The following PRKG1 variants were observed in gnomAD, a reference collection of about 807,000 sequenced individuals.
PRKG1 encodes cGMP-dependent protein kinase 1.
In PRKG1, 35 loss-of-function variants were observed where a neutral mutation model predicts 88.1. The ratio of observed to expected loss-of-function variants is 0.40; its 90% CI spans 0.30 to 0.53. The LOEUF (loss-of-function observed/expected upper bound fraction) is 0.53. Ranked by LOEUF, PRKG1 falls within the 20% of genes least tolerant of loss-of-function variation. PRKG1 has a pLI of 0.59. For synonymous variants in PRKG1, 303 were observed against 292.5 expected (o/e 1.04, Z -0.37); for missense variants, 540 against 839.8 (o/e 0.64, Z 4.41).
At chr10:51,643,516 C>CT (rs1190348799) in intron 3 of PRKG1, among the ~76,000 whole-genome samples, 2 of 152,088 alleles carry the variant, frequency 1.3e-5, no homozygotes, top group South Asian at 2.1e-4. Context: ...ACATTGGCAG[C>CT]TTTTTTATAA....
Position 52,297,204 on chromosome 10 carries a change from TC to T in PRKG1, c.*3305del, listed in dbSNP as rs1270133108. 4.6e-5 allele frequency: 7 copies of T among 152,176 alleles called. No individual in the cohort carries two copies. Among genetic ancestry groups the T allele is most frequent in the Non-Finnish European group, 1.5e-5 (1 of 68,034 alleles). The allele number at this position is 152,176 out of a possible 1,614,324, so 9.4% of individuals were successfully genotyped here. ...TTTAGTGTTTCACAGCATTATTATT[TC>T]ATTTTATTTGTATTGAATAATGTTT... On this transcript the variant is annotated 3_prime_UTR_variant, in exon 18 of 18. Coordinates refer to ENST00000373980, the MANE Select transcript of PRKG1 (RefSeq NM_006258.4).
chr10:51,541,348 T>C (rs1842296315), intron 3 of PRKG1, among the ~76,000 whole-genome samples: 1 of 152,190 alleles, frequency 6.6e-6, no homozygotes, highest in Admixed American at 6.5e-5. Flanking sequence ...GTCCAGTTCC[T>C]AACAGGCCAC....
intron 5 of PRKG1, among the ~76,000 whole-genome samples, chr10:52,023,317 G>C (rs561115029): frequency 6.6e-6 from 1 of 152,288 alleles, no homozygotes; most frequent in South Asian, 2.1e-4. Context: ...GTCTATCATA[G>C]ATGGGCATTT....
At chr10:51,439,310 C>T (rs1839029007) in intron 2 of PRKG1, among the ~76,000 whole-genome samples, 1 of 151,750 alleles carries the variant, frequency 6.6e-6, no homozygotes, top group East Asian at 1.9e-4. Context: ...AAACTGTGTA[C>T]TTTGGGTGTG....
chr10:51,319,436 A>T (rs7907496), intron 2 of PRKG1, among the ~76,000 whole-genome samples: 1 of 152,022 alleles, frequency 6.6e-6, no homozygotes. Flanking sequence ...GTTTGTAGTG[A>T]CCTTTGTTTG....
At chr10:51,419,849 G>C (rs1184880780) in intron 2 of PRKG1, among the ~76,000 whole-genome samples, 1 of 150,920 alleles carries the variant, frequency 6.6e-6, no homozygotes, top group Non-Finnish European at 1.5e-5. Context: ...GGAGTCCCTG[G>C]GACAAGATTT....
chr10:51,966,012 G>C (rs908439643), intron 5 of PRKG1, among the ~76,000 whole-genome samples: 1 of 152,046 alleles, frequency 6.6e-6, no homozygotes, highest in Non-Finnish European at 1.5e-5. Context: ...CAATTATATA[G>C]TTATGCACCA....
At chr10:51,298,485 G>T (rs1840781746) in intron 2 of PRKG1, among the ~76,000 whole-genome samples, 1 of 152,148 alleles carries the variant, frequency 6.6e-6, no homozygotes, top group South Asian at 2.1e-4. Context: ...GCCATTAAAT[G>T]AAACAGCTTT....
chr10:51,078,719 C>G (rs527568625), intron 1 of PRKG1, among the ~76,000 whole-genome samples: 104 of 151,956 alleles, frequency 6.8e-4, no homozygotes, highest in African/African-American at 2.3e-3. Context: ...CGGGTTCACA[C>G]CATTCTCTTG....
At chr10:51,683,722 A>G (rs1033219744) in intron 3 of PRKG1, among the ~76,000 whole-genome samples, 4 of 151,994 alleles carry the variant, frequency 2.6e-5, no homozygotes, top group Non-Finnish European at 5.9e-5. Context: ...TTCACTTCTT[A>G]ATTCAGTCCC....
chr10:52,109,394 TTGG>T (rs1350389760), intron 7 of PRKG1, among the ~76,000 whole-genome samples: 1 of 152,238 alleles, frequency 6.6e-6, no homozygotes, highest in African/African-American at 2.4e-5. Flanking sequence ...GCTTATTTTC[TTGG>T]TTAGGAAAAT....
chr10:51,467,883 T>G, intron 3 of PRKG1, 47 bp downstream of exon 3: 3 of 1,450,004 alleles, frequency 2.1e-6, no homozygotes, highest in Non-Finnish European at 2.9e-6. Flanking sequence ...GTCTTTTCCC[T>G]AGGCCTTTGA....
At position 51,982,962 on chromosome 10, in the gene PRKG1, T is replaced by C. The variant is rs1421951631; in HGVS notation, c.763-71522T>C. Among the ~76,000 whole-genome samples the C allele has an allele frequency of 2.0e-5, 3 of 152,098 alleles. No homozygotes were observed. In the East Asian group the frequency reaches 5.8e-4, roughly 30 times the overall value. On this transcript the variant is annotated intron_variant, in intron 5 of 17. Transcript: ENST00000373980. ...GAGTCCCTGCTGGCAACTGTACCCA[T>C]GGTTGTGCTGGTGACGGTGTTAATA...
intron 1 of PRKG1, among the ~76,000 whole-genome samples, chr10:51,040,553 C>A (rs970955492): frequency 6.6e-6 from 1 of 151,662 alleles, no homozygotes; most frequent in African/African-American, 2.4e-5. Context: ...CTCCTGACCT[C>A]GTGATACACC....
At chr10:51,093,718 ATG>A (rs891570006) in intron 1 of PRKG1, among the ~76,000 whole-genome samples, 86 of 134,898 alleles carry the variant, frequency 6.4e-4, no homozygotes, top group East Asian at 3.0e-3. Flanking sequence ...ATATAAATAC[ATG>A]TGTGTGTGTA....
intron 1 of PRKG1, among the ~76,000 whole-genome samples, chr10:51,117,735 A>G (rs1283242300): frequency 2.0e-5 from 3 of 152,248 alleles, no homozygotes; most frequent in Non-Finnish European, 2.9e-5. Context: ...GCTTTGTAAG[A>G]AAGCTATGCT....
At chr10:51,889,011 C>A (rs774572481) in intron 4 of PRKG1, among the ~76,000 whole-genome samples, 53 of 151,740 alleles carry the variant, frequency 3.5e-4, no homozygotes, top group Non-Finnish European at 5.0e-4. Context: ...CTTATTACTT[C>A]CCATCCTGAC....
intron 1 of PRKG1, among the ~76,000 whole-genome samples, chr10:51,037,815 A>G (rs994168067): frequency 9.2e-5 from 14 of 152,114 alleles, no homozygotes; most frequent in African/African-American, 3.4e-4. Context: ...ATTTCAGGCC[A>G]CAAGTATTTC....
At chr10:52,209,873 C>G (rs184327218) in intron 9 of PRKG1, among the ~76,000 whole-genome samples, 1 of 152,260 alleles carries the variant, frequency 6.6e-6, no homozygotes, top group African/African-American at 2.4e-5. Context: ...AGTTGACCTC[C>G]CCTCCCTGTG....
Sources: allele counts gnomAD v4.1 joint callset (sites outside exome capture counted in the v4.1 genomes callset), GRCh38; gene constraint gnomAD v4.1.1; transcripts MANE v1.5; gene names NCBI Gene and HGNC (gene_info 2026-07-23, HGNC 2026-07-21).